Variants in ZNF385D observed in about 807,000 individuals in gnomAD.
ZNF385D encodes zinc finger protein 385D.
ZNF385D carries 15 observed loss-of-function variants against 35.8 expected under a neutral mutation model. The observed-to-expected ratio is 0.42, with a 90% confidence interval of 0.28 to 0.64. The LOEUF (loss-of-function observed/expected upper bound fraction) is 0.64, where lower values mean the gene tolerates loss of function less well. Ranked by LOEUF, ZNF385D falls within the 30% of genes least tolerant of loss-of-function variation. The pLI, the probability that ZNF385D is intolerant of heterozygous loss-of-function variation, is 0.23. For synonymous variants in ZNF385D, 212 were observed against 186.8 expected, an observed-to-expected ratio of 1.13 and a Z score of -1.10; for missense variants, 474 against 494.6, an observed-to-expected ratio of 0.96 and a Z score of 0.39.
intron 3 of ZNF385D, among the ~76,000 whole-genome samples, chr3:22,108,214 G>A (rs1381110159): frequency 1.3e-5 from 2 of 152,072 alleles, no homozygotes; most frequent in Non-Finnish European, 2.9e-5. Flanking sequence ...CACATATATA[G>A]AGGACACAAT....
chr3:22,355,108 A>T (rs1320818070), intron 2 of ZNF385D, among the ~76,000 whole-genome samples: 1 of 152,044 alleles, frequency 6.6e-6, no homozygotes, highest in African/African-American at 2.4e-5. Context: ...ATGTCAATAG[A>T]TGTATTTTCT....
intron 1 of ZNF385D, among the ~76,000 whole-genome samples, chr3:21,701,660 G>T (rs1028377987): frequency 1.3e-5 from 2 of 152,128 alleles, no homozygotes; most frequent in Admixed American, 1.3e-4. Flanking sequence ...AGTGCCTTCT[G>T]CCTATGAACC....
chr3:21,836,346 T>C (rs1183898160), intron 3 of ZNF385D, among the ~76,000 whole-genome samples: 1 of 152,130 alleles, frequency 6.6e-6, no homozygotes, highest in Non-Finnish European at 1.5e-5. Flanking sequence ...CTTCCCCTCA[T>C]CTCTTACCCT....
rs2070737110 is a variant in ZNF385D, at chr3:21,764,233, C to T, written c.326-99205G>A. 2.0e-5 allele frequency among the ~76,000 whole-genome samples: 3 copies of T among 152,122 alleles called. No individual in the cohort carries two copies. The South Asian group carries it at 6.2e-4, about 32-fold the overall frequency. On this transcript the variant is annotated intron_variant, in intron 3 of 5. Transcript: ENST00000494108. ...CCCAGAGGATAAAGCAGTGTGGAGACAAGAGCTAGAAGATGCTCAATAAGG... is the reference window on the plus strand; with the variant it reads ...CCCAGAGGATAAAGCAGTGTGGAGATAAGAGCTAGAAGATGCTCAATAAGG...
chr3:21,881,739 T>C (rs1281809342), intron 3 of ZNF385D, among the ~76,000 whole-genome samples: 1 of 151,960 alleles, frequency 6.6e-6, no homozygotes, highest in East Asian at 1.9e-4. Flanking sequence ...CTGAAAACCT[T>C]CTGGAAAGGA....
chr3:21,780,784 A>G (rs562799792), intron 3 of ZNF385D, among the ~76,000 whole-genome samples: 36 of 152,206 alleles, frequency 2.4e-4, no homozygotes, highest in African/African-American at 1.2e-4. Context: ...ATACTTCTCC[A>G]TCAGTTGATC....
At chr3:21,431,327 G>A (rs1701283457) in intron 5 of ZNF385D, among the ~76,000 whole-genome samples, 2 of 152,152 alleles carry the variant, frequency 1.3e-5, no homozygotes, top group Non-Finnish European at 2.9e-5. Flanking sequence ...TCACAGTGAT[G>A]TAATAATTCT....
chr3:21,558,583 T>C (rs2062825980), intron 3 of ZNF385D, among the ~76,000 whole-genome samples: 1 of 152,158 alleles, frequency 6.6e-6, no homozygotes, highest in Non-Finnish European at 1.5e-5. Context: ...ATGTGATCAA[T>C]TTTAGAATAA....
chr3:21,861,176 T>C (rs1238046687), intron 3 of ZNF385D, among the ~76,000 whole-genome samples: 1 of 152,156 alleles, frequency 6.6e-6, no homozygotes, highest in Non-Finnish European at 1.5e-5. Context: ...TCAGCTTTGG[T>C]GTATCTGGGA....
chr3:22,040,052 A>G (rs1456793356), intron 3 of ZNF385D, among the ~76,000 whole-genome samples: 1 of 152,102 alleles, frequency 6.6e-6, no homozygotes. Flanking sequence ...CATTCGTACT[A>G]ACGGCCAAGT....
At chr3:22,291,827 A>C (rs747311774) in intron 2 of ZNF385D, among the ~76,000 whole-genome samples, 2 of 152,068 alleles carry the variant, frequency 1.3e-5, no homozygotes, top group Non-Finnish European at 2.9e-5. Flanking sequence ...CTACTCCTTA[A>C]AATGCAAAAA....
chr3:21,792,658 G>A (rs1176767066), intron 3 of ZNF385D, among the ~76,000 whole-genome samples: 1 of 152,086 alleles, frequency 6.6e-6, no homozygotes, highest in Non-Finnish European at 1.5e-5. Flanking sequence ...CCATGCAGGA[G>A]ACTTGCACAC....
rs147536999 is a variant in ZNF385D at position 21,898,274 on chromosome 3, G to T, written c.326-233246C>A. 2.7e-3 allele frequency among the ~76,000 whole-genome samples: 406 copies of T among 152,098 alleles called. 1 individual carries two copies. The highest frequency in any genetic ancestry group is 9.3e-3 in the African/African-American group (384 of 41,500). On this transcript the variant is annotated intron_variant, in intron 3 of 5. Transcript: ENST00000494108. ...AATGAAGACACCTGGGCACATATTCGCTAATAAAACCCCCCTGAGATCAAG... is the reference window on the plus strand; with the variant it reads ...AATGAAGACACCTGGGCACATATTCTCTAATAAAACCCCCCTGAGATCAAG...
At chr3:22,307,133 T>G (rs1181010301) in intron 2 of ZNF385D, among the ~76,000 whole-genome samples, 2 of 151,986 alleles carry the variant, frequency 1.3e-5, no homozygotes, top group Admixed American at 1.3e-4. Context: ...TAAAAGGAGT[T>G]GAATCCTAAA....
intron 2 of ZNF385D, among the ~76,000 whole-genome samples, chr3:22,225,611 CT>C (rs1698509259): frequency 6.6e-6 from 1 of 152,160 alleles, no homozygotes; most frequent in African/African-American, 2.4e-5. Flanking sequence ...CAATTGCCCA[CT>C]GTGGTAGCTG....
At chr3:21,820,305 G>A (rs937412714) in intron 3 of ZNF385D, among the ~76,000 whole-genome samples, 5 of 150,958 alleles carry the variant, frequency 3.3e-5, no homozygotes, top group African/African-American at 9.7e-5. Context: ...AATAAATGGA[G>A]ATAAATAAAA....
chr3:22,061,909 C>G (rs190721215), intron 3 of ZNF385D, among the ~76,000 whole-genome samples: 2 of 152,324 alleles, frequency 1.3e-5, no homozygotes, highest in African/African-American at 4.8e-5. Flanking sequence ...ATATTTTGAG[C>G]TGTCTTGTTG....
intron 2 of ZNF385D, among the ~76,000 whole-genome samples, chr3:22,327,120 A>G (rs1694713667): frequency 6.6e-6 from 1 of 152,170 alleles, no homozygotes; most frequent in African/African-American, 2.4e-5. Flanking sequence ...TGAATTCTGA[A>G]GATTGTCGGA....
rs1429781898 is a variant in ZNF385D, at chr3:22,366,810, C to A, written c.106+5640G>T. Among the ~76,000 whole-genome samples, 6 of 152,030 alleles carry A rather than the reference C, an allele frequency of 3.9e-5. No homozygotes were observed. The South Asian group carries it at 1.2e-3, about 32-fold the overall frequency. On this transcript the variant is annotated intron_variant, in intron 2 of 5. Coordinates refer to the ZNF385D transcript ENST00000494108. ...GGATTATAAGGGTAGGCTTTAAATG[C>A]AAATATAATTGTCCTTACAAAAGAG...
Sources: gnomAD v4.1 joint callset for allele counts (sites outside exome capture counted in the v4.1 genomes callset) on GRCh38, gnomAD v4.1.1 for gene constraint, MANE v1.5 for transcripts, NCBI Gene and HGNC (gene_info 2026-07-23, HGNC 2026-07-21) for gene names.